Variants in CLVS2 observed in about 807,000 individuals in gnomAD.
CLVS2 encodes the protein clavesin 2.
A neutral mutation model predicts 29.0 loss-of-function variants in CLVS2; 19 were observed. The observed-to-expected ratio is 0.66, with a 90% CI of 0.46 to 0.96. The LOEUF (loss-of-function observed/expected upper bound fraction) is 0.96, where lower values mean the gene tolerates loss of function less well. CLVS2 is among the 40% of genes least tolerant of loss of function. CLVS2 has a pLI of 0.00. For missense variants in CLVS2, 294 were observed against 404.1 expected, an observed-to-expected ratio of 0.73 and a Z score of 2.34; for synonymous variants, 161 against 151.3, an observed-to-expected ratio of 1.06 and a Z score of -0.47.
intron 5 of CLVS2, 57 bp downstream of exon 5, chr6:123,056,083 A>G (rs906171681): frequency 8.6e-7 from 1 of 1,158,586 alleles, no homozygotes; most frequent in Admixed American, 1.9e-5. Flanking sequence ...AGGCATCCTG[A>G]GTCAAACTCA....
At chr6:123,031,501 AG>A (rs1189577657) in intron 3 of CLVS2, among the ~76,000 whole-genome samples, 1 of 152,244 alleles carries the variant, frequency 6.6e-6, no homozygotes, top group Non-Finnish European at 1.5e-5. Context: ...CTAAGAAGGT[AG>A]ACTTTAAGTG....
intron 3 of CLVS2, among the ~76,000 whole-genome samples, chr6:123,029,512 A>G (rs1350695421): frequency 6.6e-6 from 1 of 152,196 alleles, no homozygotes; most frequent in Non-Finnish European, 1.5e-5. Flanking sequence ...GCATTTGGGT[A>G]TTAGGAAGTA....
At chr6:123,000,003 CAGACAACT>C (rs1212239210) in intron 2 of CLVS2, among the ~76,000 whole-genome samples, 1 of 151,972 alleles carries the variant, frequency 6.6e-6, no homozygotes, top group Non-Finnish European at 1.5e-5. Flanking sequence ...ATATAAAGGG[CAGACAACT>C]AGTAATCAAA....
intron 3 of CLVS2, among the ~76,000 whole-genome samples, chr6:123,019,644 G>A (rs1774893238): frequency 6.6e-6 from 1 of 151,986 alleles, no homozygotes; most frequent in African/African-American, 2.4e-5. Context: ...GAAAAAAAAG[G>A]TAAATTATTC....
chr6:123,036,963 CTTAAA>C (rs1223090377), intron 3 of CLVS2, among the ~76,000 whole-genome samples: 3 of 152,226 alleles, frequency 2.0e-5, no homozygotes, highest in African/African-American at 7.2e-5. Flanking sequence ...TGGTCAATAA[CTTAAA>C]TTAGAGAGAA....
chr6:123,048,471 CG>C, intron 3 of CLVS2, 150 bp from the exon 4 acceptor site: 1 of 559,964 alleles, frequency 1.8e-6, no homozygotes, highest in East Asian at 2.8e-5. Flanking sequence ...CAATGTTTAA[CG>C]TGGTAAGGTT....
chr6:123,037,159 C>G (rs1582656957), intron 3 of CLVS2, among the ~76,000 whole-genome samples: 1 of 152,046 alleles, frequency 6.6e-6, no homozygotes, highest in Non-Finnish European at 1.5e-5. Context: ...TCTACAGACA[C>G]TTGAAATTCA....
chr6:123,049,166 A>G (rs1428264937), intron 4 of CLVS2, among the ~76,000 whole-genome samples: 1 of 152,204 alleles, frequency 6.6e-6, no homozygotes, highest in Non-Finnish European at 1.5e-5. Flanking sequence ...AATTTTTTAC[A>G]ATGATTATCA....
At chr6:123,057,334 C>CTTTTTTTTTTTT (rs71541220) in intron 5 of CLVS2, among the ~76,000 whole-genome samples, 1 of 83,698 alleles carries the variant, frequency 1.2e-5, no homozygotes, top group Non-Finnish European at 2.3e-5. Flanking sequence ...GGATGGTCTT[C>CTTTTTTTTTTTT]TTTTTTTTTT....
chr6:123,051,064 T>C (rs914007459), intron 4 of CLVS2, among the ~76,000 whole-genome samples: 2 of 152,146 alleles, frequency 1.3e-5, no homozygotes, highest in East Asian at 1.9e-4. Flanking sequence ...ATATAATCAA[T>C]ACACAGTGCA....
chr6:123,003,372 T>G (rs1562161863), intron 2 of CLVS2, among the ~76,000 whole-genome samples: 1 of 152,220 alleles, frequency 6.6e-6, no homozygotes, highest in Non-Finnish European at 1.5e-5. Context: ...TATTAAGAAG[T>G]TATCCTTAGT....
At chr6:123,002,925 T>C (rs1156675827) in intron 2 of CLVS2, among the ~76,000 whole-genome samples, 3 of 152,214 alleles carry the variant, frequency 2.0e-5, no homozygotes, top group Non-Finnish European at 4.4e-5. Context: ...ATGTATTCCA[T>C]GGGACTTCTC....
At chr6:123,025,053 T>A (rs1024053679) in intron 3 of CLVS2, among the ~76,000 whole-genome samples, 30 of 152,116 alleles carry the variant, frequency 2.0e-4, no homozygotes, top group Non-Finnish European at 2.5e-4. Context: ...TAGATCCCCA[T>A]GAAGAAAGAC....
Position 122,998,120 on chromosome 6 carries a change from G to A in CLVS2, c.343G>A (p.Gly115Ser), listed in dbSNP as rs1175142348. The change falls in exon 2 of 6, where the codon GGC (glycine) becomes AGC (serine). Residue 115 changes from glycine (G) to serine (S), a missense_variant. By Grantham distance (56) the Gly-to-Ser change is moderately conservative. Transcript: ENST00000275162. ...PGGLANLDHY[G>S]RKILVLFAAN... ...GGGCCTGGCCAATCTGGACCACTAT[G>A]GCAGGAAGATTCTAGTCCTTTTTGC... is the stretch of plus-strand genomic sequence containing the variant. 1.2e-6 allele frequency: 2 copies of A among 1,613,720 alleles called. No individual in the cohort carries two copies. Among genetic ancestry groups the A allele is most frequent in the African/African-American group, 2.7e-5 (2 of 74,910 alleles).
intron 1 of CLVS2, 51 bp downstream of exon 1, chr6:122,996,797 G>C (rs1023169435): frequency 6.1e-6 from 1 of 164,700 alleles, no homozygotes; most frequent in Non-Finnish European, 1.5e-5. Flanking sequence ...TTATAGAAAA[G>C]ATAAGGACAT....
chr6:123,061,018 G>T (rs1207164439), intron 5 of CLVS2, among the ~76,000 whole-genome samples: 1 of 152,196 alleles, frequency 6.6e-6, no homozygotes, highest in East Asian at 1.9e-4. Context: ...CCCCTGAGAT[G>T]GGCTGGGCAC....
intron 3 of CLVS2, among the ~76,000 whole-genome samples, chr6:123,020,977 TTCTC>T (rs1043267825): frequency 1.7e-4 from 26 of 152,014 alleles, no homozygotes; most frequent in African/African-American, 6.0e-4. Flanking sequence ...TAGAACTCTT[TTCTC>T]TCTCTTTCTT....
rs1388527813 is a variant in CLVS2, at chr6:123,071,008, T to G, written c.*7247T>G. 2.0e-5 allele frequency: 3 copies of G among 152,030 alleles called. No homozygotes were observed. The highest frequency in any genetic ancestry group is 4.4e-5 in the Non-Finnish European group (3 of 67,948). 9.4% of individuals were successfully genotyped at this position (152,030 alleles called of 1,614,324 possible). Reference sequence around the variant, plus strand: ...TGAAACAGCCCTGTGGTTCTTCATATTCTCCTTTCCTGCTGTATTTCCTCT... The same window carrying G: ...TGAAACAGCCCTGTGGTTCTTCATAGTCTCCTTTCCTGCTGTATTTCCTCT... On this transcript the variant is annotated 3_prime_UTR_variant, in exon 6 of 6. Coordinates refer to ENST00000275162, the MANE Select transcript of CLVS2 (RefSeq NM_001010852.4).
In CLVS2 at chr6:123,046,441, C is replaced by A. The variant is rs991615558; in HGVS notation, c.565-2181C>A. Among the ~76,000 whole-genome samples the A allele has an allele frequency of 7.2e-5, 11 of 152,158 alleles. No homozygotes were observed. The South Asian group carries it at 2.3e-3, about 32-fold the overall frequency. On this transcript the variant is annotated intron_variant, in intron 3 of 5. Transcript: ENST00000275162. ...TTGGGAGGCCGAGGTGGGCGAGTCA[C>A]CTGAGGTCAGGAGTTTGAGACCAGC...
Sources: gnomAD v4.1 joint callset for allele counts (sites outside exome capture counted in the v4.1 genomes callset) on GRCh38, gnomAD v4.1.1 for gene constraint, MANE v1.5 for transcripts, NCBI Gene and HGNC (gene_info 2026-07-23, HGNC 2026-07-21) for gene names.